Variants in PTGER3 observed in about 807,000 individuals in gnomAD.
The protein encoded by PTGER3 is prostaglandin E receptor 3, also known as prostaglandin E2 receptor EP3 subtype.
PTGER3 carries 22 observed loss-of-function variants against 34.7 expected under a neutral mutation model. The observed-to-expected ratio is 0.63, with a 90% CI of 0.45 to 0.91. The LOEUF (loss-of-function observed/expected upper bound fraction) is 0.91, where lower values mean the gene tolerates loss of function less well. Ranked by LOEUF, PTGER3 falls within the 40% of genes least tolerant of loss-of-function variation. PTGER3 has a pLI of 0.00. For synonymous variants in PTGER3, 241 were observed against 230.1 expected, an observed-to-expected ratio of 1.05 and a Z score of -0.43; for missense variants, 468 against 519.4, an observed-to-expected ratio of 0.90 and a Z score of 0.96.
intron 4 of PTGER3, among the ~76,000 whole-genome samples, chr1:70,914,914 C>T (rs1376276955): frequency 6.6e-6 from 1 of 151,728 alleles, no homozygotes; most frequent in African/African-American, 2.4e-5. Context: ...TGTTTAAGGC[C>T]TAGTTTAGAC....
chr1:70,937,492 A>G (rs747035619), intron 4 of PTGER3, among the ~76,000 whole-genome samples: 13 of 152,214 alleles, frequency 8.5e-5, no homozygotes, highest in South Asian at 2.1e-4. Context: ...CACATAATCC[A>G]TAAAGTACAC....
At chr1:70,955,991 A>T (rs1175362337) in intron 2 of PTGER3, among the ~76,000 whole-genome samples, 1 of 152,186 alleles carries the variant, frequency 6.6e-6, no homozygotes, top group Non-Finnish European at 1.5e-5. Flanking sequence ...CATCTCAAGT[A>T]GCTATTTCCA....
chr1:70,913,263 A>G (rs1647100521), intron 4 of PTGER3, among the ~76,000 whole-genome samples: 1 of 151,898 alleles, frequency 6.6e-6, no homozygotes, highest in Admixed American at 6.6e-5. Context: ...GCTATTATAA[A>G]TGGTATTGTC....
chr1:70,960,087 G>T (rs1651773763), intron 2 of PTGER3, among the ~76,000 whole-genome samples: 1 of 152,246 alleles, frequency 6.6e-6, no homozygotes, highest in Non-Finnish European at 1.5e-5. Context: ...TCCAAAGCTT[G>T]CTGGCAGAAG....
In PTGER3 at chr1:70,890,438, T is replaced by A. The variant is rs538955223; in HGVS notation, c.*24-37579A>T. ...ACCTCTGTAAACTGGTGGAGGATGATAGAAAAAAAAGTGGACATCAAAACA... is the reference window on the plus strand; with the variant it reads ...ACCTCTGTAAACTGGTGGAGGATGAAAGAAAAAAAAGTGGACATCAAAACA... On this transcript the variant is annotated intron_variant, in intron 4 of 4. Transcript: ENST00000370931. 5.5e-3 allele frequency among the ~76,000 whole-genome samples: 834 copies of A among 152,178 alleles called. 5 individuals are homozygous for A. Among genetic ancestry groups the A allele is most frequent in the Middle Eastern group, 0.037 (11 of 294 alleles).
intron 1 of PTGER3, among the ~76,000 whole-genome samples, chr1:71,025,699 G>T (rs1365819197): frequency 6.6e-6 from 1 of 152,192 alleles, no homozygotes; most frequent in East Asian, 1.9e-4. Context: ...TGCCTGTGAG[G>T]TGAGTGAGTT....
At chr1:71,009,345 C>A (rs1391472504) in intron 2 of PTGER3, 5 of 975,706 alleles carry the variant, frequency 5.1e-6, no homozygotes, top group Middle Eastern at 5.2e-4. Context: ...TATATGTATA[C>A]CCTATATTTC....
intron 1 of PTGER3, among the ~76,000 whole-genome samples, 181 bp downstream of exon 1, chr1:71,046,500 G>T (rs1357672551): frequency 6.6e-6 from 1 of 152,196 alleles, no homozygotes; most frequent in Non-Finnish European, 1.5e-5. Context: ...AAGGCGCTCA[G>T]CTAGTAAGTG....
At chr1:71,037,400 G>A (rs140419409) in intron 1 of PTGER3, among the ~76,000 whole-genome samples, 1 of 152,248 alleles carries the variant, frequency 6.6e-6, no homozygotes, top group East Asian at 1.9e-4. Context: ...GCACTCTCTC[G>A]AGCAACGTAA....
chr1:70,981,129 A>G (rs1572841146), intron 2 of PTGER3, among the ~76,000 whole-genome samples: 1 of 152,142 alleles, frequency 6.6e-6, no homozygotes, highest in East Asian at 1.9e-4. Context: ...ACTGGGTCCA[A>G]TAATGGTGGA....
chr1:70,878,062 G>A (rs534790200), intron 4 of PTGER3, among the ~76,000 whole-genome samples: 4 of 152,086 alleles, frequency 2.6e-5, no homozygotes, highest in Non-Finnish European at 5.9e-5. Flanking sequence ...TCATAGGTTT[G>A]TAAGTCTGGT....
chr1:70,991,702 C>G (rs748403334), intron 2 of PTGER3, among the ~76,000 whole-genome samples: 1 of 152,176 alleles, frequency 6.6e-6, no homozygotes, highest in Non-Finnish European at 1.5e-5. Context: ...GAAATCCTAA[C>G]TCTAACTCAT....
At chr1:70,855,320 G>A (rs79377744) in intron 4 of PTGER3, among the ~76,000 whole-genome samples, 2,588 of 152,228 alleles carry the variant, frequency 0.017, 75 homozygotes, top group African/African-American at 0.059. Context: ...CTGTGAGGAA[G>A]GGGAAATAGA....
chr1:70,948,548 T>C (rs116282098), downstream of PTGER3, among the ~76,000 whole-genome samples: 369 of 152,190 alleles, frequency 2.4e-3, 4 homozygotes, highest in African/African-American at 8.4e-3. Context: ...AATTTGAAAA[T>C]GGCTGCATAC....
chr1:70,861,955 G>A (rs541064142), intron 4 of PTGER3, among the ~76,000 whole-genome samples: 1 of 151,828 alleles, frequency 6.6e-6, no homozygotes, highest in African/African-American at 2.4e-5. Flanking sequence ...AGGTCTTGAG[G>A]GGAGGGATGA....
chr1:70,972,976 A>G (rs914649183), intron 3 of PTGER3, among the ~76,000 whole-genome samples: 3 of 152,126 alleles, frequency 2.0e-5, no homozygotes, highest in African/African-American at 7.2e-5. Flanking sequence ...GAGCAAAAGT[A>G]TAATAAGATT....
chr1:71,009,199 T>C lies in PTGER3; in HGVS notation c.1077+3106A>G, dbSNP rs5692. On this transcript the variant is annotated intron_variant, in intron 2 of 3. Coordinates refer to ENST00000306666, the MANE Select transcript of PTGER3 (RefSeq NM_198719.2). ...AGTGACCCCCTTATTAAAATACTGTTTGCCAGTTTTTAGTTTGTCTGTCAC... is the reference window on the plus strand; with the variant it reads ...AGTGACCCCCTTATTAAAATACTGTCTGCCAGTTTTTAGTTTGTCTGTCAC... 9.5e-4 allele frequency: 934 copies of C among 985,284 alleles called. 6 individuals carry two copies. The African/African-American group carries it at 0.015, about 16-fold the overall frequency. The allele number at this position is 985,284 out of a possible 1,614,324, so 61.0% of individuals were successfully genotyped here.
rs976618124 is a variant in PTGER3 at position 71,012,306 on chromosome 1, T to C, written c.1076A>G (p.Gln359Arg). ...GCAGCTGGAGACAGCATTTGCTACC[T>C]GGCAAAACTTTCGAAGAAGGATCTT... is the stretch of plus-strand genomic sequence containing the variant. ...LRKILLRKFC[Q>R]IRYHTNNYAS... The change falls in exon 2 of 4, where the codon CAG becomes CGG. Residue 359 changes from glutamine to arginine, a missense_variant and splice_region_variant. By Grantham distance (43) the Gln-to-Arg change is conservative. Around this residue, in one of 5 missense-constraint regions of PTGER3, gnomAD observed 57 missense variants for 43.8 expected, o/e 1.30. Transcript: ENST00000306666. 5.0e-6 allele frequency: 8 copies of C among 1,614,172 alleles called. No individual in the cohort carries two copies. The South Asian group carries it at 6.6e-5, about 13-fold the overall frequency.
chr1:70,953,165 C>T (rs1367844477), intron 3 of PTGER3: 2 of 976,272 alleles, frequency 2.0e-6, no homozygotes, highest in Admixed American at 3.1e-5. Flanking sequence ...ACTATTTATA[C>T]AACATTTACA....
Sources: allele counts gnomAD v4.1 joint callset (sites outside exome capture counted in the v4.1 genomes callset), GRCh38; gene constraint gnomAD v4.1.1; regional missense constraint gnomAD v4.1.1; transcripts MANE v1.5; gene names NCBI Gene and HGNC (gene_info 2026-07-23, HGNC 2026-07-21).